CLASP1: variants seen among roughly 807,000 people sequenced by gnomAD.
CLASP1 encodes the protein CLIP-associating protein 1.
CLASP1 carries 38 observed loss-of-function variants against 192.3 expected under a neutral mutation model. The ratio of observed to expected loss-of-function variants is 0.20; its 90% CI spans 0.15 to 0.26. The LOEUF (loss-of-function observed/expected upper bound fraction) is 0.26. Among genes scored for constraint, CLASP1 ranks in the 10% least tolerant of loss-of-function variants. The probability of loss-of-function intolerance (pLI) is 1.00; values close to 1 mark genes in which losing one functional copy is unlikely to be tolerated. For synonymous variants in CLASP1, 691 were observed against 712.8 expected (o/e 0.97, Z 0.49); for missense variants, 1,433 against 1,932.5 (o/e 0.74, Z 4.85).
intron 37 of CLASP1, among the ~76,000 whole-genome samples, chr2:121,353,378 C>T (rs1009948616): frequency 6.6e-6 from 1 of 152,264 alleles, no homozygotes; most frequent in South Asian, 2.1e-4. Context: ...CACTGGTAAG[C>T]CAGCTCCTTC....
chr2:121,351,308 CTCTG>C (rs1488052396), intron 37 of CLASP1, among the ~76,000 whole-genome samples: 33 of 152,354 alleles, frequency 2.2e-4, no homozygotes, highest in Admixed American at 9.1e-4. Context: ...ACTTCTGTTC[CTCTG>C]TCTGTGACAT....
chr2:121,598,347 TGA>T (rs2063389973), intron 2 of CLASP1, among the ~76,000 whole-genome samples: 2 of 152,214 alleles, frequency 1.3e-5, no homozygotes, highest in Non-Finnish European at 1.5e-5. Context: ...TGAGTCTGAG[TGA>T]GAGAGGCAAG....
intron 9 of CLASP1, among the ~76,000 whole-genome samples, chr2:121,466,571 A>T (rs2089631995): frequency 6.6e-6 from 1 of 152,204 alleles, no homozygotes; most frequent in African/African-American, 2.4e-5. Context: ...CATCAGTGAA[A>T]ATGGTTCTAA....
chr2:121,459,033 A>G, intron 12 of CLASP1, 58 bp from the exon 13 acceptor site: 1 of 1,340,902 alleles, frequency 7.5e-7, no homozygotes, highest in Non-Finnish European at 1.0e-6. Context: ...AGTGAAGCAT[A>G]TAAACCACTT....
intron 37 of CLASP1, among the ~76,000 whole-genome samples, chr2:121,353,808 A>G (rs980302054): frequency 1.3e-5 from 2 of 152,130 alleles, no homozygotes; most frequent in African/African-American, 4.8e-5. Flanking sequence ...ACACACACAC[A>G]CAGATAGGGT....
chr2:121,598,516 T>C (rs1324102791), intron 2 of CLASP1, among the ~76,000 whole-genome samples: 1 of 152,252 alleles, frequency 6.6e-6, no homozygotes, highest in Non-Finnish European at 1.5e-5. Context: ...AAATAGGTAC[T>C]ATCTGGGTTT....
chr2:121,537,495 A>C (rs2095121357), intron 2 of CLASP1, among the ~76,000 whole-genome samples: 1 of 152,202 alleles, frequency 6.6e-6, no homozygotes, highest in Non-Finnish European at 1.5e-5. Context: ...CACAGATTCA[A>C]GAAGCCCAGT....
At chr2:121,581,994 C>A (rs2061225422) in intron 2 of CLASP1, among the ~76,000 whole-genome samples, 2 of 152,014 alleles carry the variant, frequency 1.3e-5, no homozygotes, top group South Asian at 4.2e-4. Flanking sequence ...ACCAGCCTGT[C>A]CCAACTGAAA....
At chr2:121,407,942 C>A in intron 24 of CLASP1, 1 of 653,596 alleles carries the variant, frequency 1.5e-6, no homozygotes, top group Non-Finnish European at 2.8e-6. Flanking sequence ...AGTATGGCCT[C>A]TAGTAAAGTG....
At position 121,521,345 on chromosome 2, in the gene CLASP1, A is replaced by G. The variant is rs74565486; in HGVS notation, c.546+4500T>C. On this transcript the variant is annotated intron_variant, in intron 6 of 39. Transcript: ENST00000263710. ...GTGTATGTTTGAACCTTTCGATATG[A>G]AAGTTGAAAACAGAAGAGGAGCTCA... Among the ~76,000 whole-genome samples, 945 of 152,196 alleles carry G rather than the reference A, an allele frequency of 6.2e-3. 20 individuals are homozygous for G. The highest frequency in any genetic ancestry group is 0.054 in the East Asian group (281 of 5,174).
chr2:121,489,841 A>T (rs1336909182), intron 8 of CLASP1, among the ~76,000 whole-genome samples: 1 of 152,216 alleles, frequency 6.6e-6, no homozygotes, highest in Non-Finnish European at 1.5e-5. Flanking sequence ...CACTGCTATC[A>T]TTTATGCTTT....
At chr2:121,627,442 C>T (rs2068594017) in intron 1 of CLASP1, among the ~76,000 whole-genome samples, 1 of 152,170 alleles carries the variant, frequency 6.6e-6, no homozygotes, top group African/African-American at 2.4e-5. Context: ...GAGAGAAAGA[C>T]AAGTAAATAA....
intron 10 of CLASP1, 136 bp from the exon 11 acceptor site, chr2:121,461,329 T>C: frequency 1.7e-6 from 1 of 592,714 alleles, no homozygotes; most frequent in Non-Finnish European, 2.9e-6. Flanking sequence ...AGAAAATATC[T>C]GAACAGTTTT....
chr2:121,549,495 G>T (rs1559585409), intron 2 of CLASP1, among the ~76,000 whole-genome samples: 1 of 152,092 alleles, frequency 6.6e-6, no homozygotes, highest in Admixed American at 6.5e-5. Context: ...AATACTGGGA[G>T]ATGTCAACAC....
chr2:121,531,820 ATC>A (rs1234049442), intron 2 of CLASP1, among the ~76,000 whole-genome samples: 1 of 151,966 alleles, frequency 6.6e-6, no homozygotes, highest in Non-Finnish European at 1.5e-5. Flanking sequence ...ATGAGCCAAC[ATC>A]GGGCCACTGC....
At chr2:121,648,983 G>A (rs2073710017) in intron 1 of CLASP1, among the ~76,000 whole-genome samples, 1 of 151,950 alleles carries the variant, frequency 6.6e-6, no homozygotes, top group South Asian at 2.1e-4. Flanking sequence ...TCTCTCCCTC[G>A]CCCCCTCCCT....
chr2:121,609,517 C>A (rs1160379491), intron 1 of CLASP1, among the ~76,000 whole-genome samples: 1 of 152,118 alleles, frequency 6.6e-6, no homozygotes, highest in Non-Finnish European at 1.5e-5. Context: ...GGACTTTTTT[C>A]ATGTTTTTGT....
At chr2:121,356,771 C>T (rs1203017910) in intron 37 of CLASP1, among the ~76,000 whole-genome samples, 2 of 152,260 alleles carry the variant, frequency 1.3e-5, no homozygotes, top group Admixed American at 6.5e-5. Flanking sequence ...CACATCCTTG[C>T]CTGGAAAAGG....
At chr2:121,479,946 A>G (rs1004128546) in intron 8 of CLASP1, among the ~76,000 whole-genome samples, 19 of 152,246 alleles carry the variant, frequency 1.2e-4, no homozygotes, top group African/African-American at 4.6e-4. Flanking sequence ...TGAGGGTGCT[A>G]GCAGAGTGCT....
Sources: allele counts gnomAD v4.1 joint callset (sites outside exome capture counted in the v4.1 genomes callset), GRCh38; gene constraint gnomAD v4.1.1; transcripts MANE v1.5; gene names NCBI Gene and HGNC (gene_info 2026-07-23, HGNC 2026-07-21).